ELP4: variants seen among roughly 807,000 people sequenced by gnomAD.
The protein encoded by ELP4 is elongator acetyltransferase complex subunit 4, also known as elongator complex protein 4.
ELP4 carries 51 observed loss-of-function variants against 48.9 expected under a neutral mutation model. The observed-to-expected ratio is 1.04, with a 90% CI of 0.83 to 1.32. ELP4 has a LOEUF of 1.32. Among genes scored for constraint, ELP4 ranks in the 40% most tolerant of loss-of-function variants. The pLI is 0.00. For missense variants in ELP4, 519 were observed against 514.6 expected (o/e 1.01, Z -0.08); for synonymous variants, 210 against 189.2 (o/e 1.11, Z -0.90).
At chr11:31,632,194 G>C in intron 6 of ELP4, 23 bp from the exon 7 acceptor site, 1 of 1,580,998 alleles carries the variant, frequency 6.3e-7, no homozygotes, top group South Asian at 1.2e-5. Flanking sequence ...TTATATGTTT[G>C]CTTTTTTCCC....
chr11:31,665,655 C>CTTTT (rs71060496), intron 9 of ELP4, among the ~76,000 whole-genome samples: 43 of 79,666 alleles, frequency 5.4e-4, no homozygotes, highest in East Asian at 1.1e-3. Flanking sequence ...GTCTCTCTTC[C>CTTTT]TTTTTTTTTT....
intron 3 of ELP4, among the ~76,000 whole-genome samples, chr11:31,577,079 A>T (rs1957296886): frequency 6.6e-6 from 1 of 152,180 alleles, no homozygotes; most frequent in African/African-American, 2.4e-5. Context: ...AATCAAATAG[A>T]CACAATAAAA....
intron 9 of ELP4, among the ~76,000 whole-genome samples, chr11:31,782,794 T>TA (rs1300542905): frequency 1.3e-5 from 2 of 152,176 alleles, no homozygotes; most frequent in African/African-American, 4.8e-5. Context: ...GTGGCTGACT[T>TA]ACCTGAACAT....
intron 3 of ELP4, among the ~76,000 whole-genome samples, chr11:31,577,259 C>T (rs184436898): frequency 2.0e-5 from 3 of 152,266 alleles, no homozygotes; most frequent in East Asian, 3.9e-4. Flanking sequence ...CCTGTATAGA[C>T]CAATAACAGA....
At chr11:31,595,983 G>A (rs1232221164) in intron 4 of ELP4, among the ~76,000 whole-genome samples, 1 of 152,084 alleles carries the variant, frequency 6.6e-6, no homozygotes, top group African/African-American at 2.4e-5. Context: ...TTTTAGTAAT[G>A]CTTTTTTCAC....
intron 3 of ELP4, among the ~76,000 whole-genome samples, chr11:31,578,121 A>G (rs983281571): frequency 6.6e-6 from 1 of 152,202 alleles, no homozygotes; most frequent in Non-Finnish European, 1.5e-5. Flanking sequence ...ATCAATGTGC[A>G]AAAATCACAA....
intron 2 of ELP4, 73 bp from the exon 3 acceptor site, chr11:31,539,589 G>C (rs1014032790): frequency 6.9e-7 from 1 of 1,449,712 alleles, no homozygotes; most frequent in Admixed American, 2.1e-5. Flanking sequence ...ACATATGAGT[G>C]TGCTTGCTGT....
intron 9 of ELP4, among the ~76,000 whole-genome samples, chr11:31,740,754 G>C (rs1280528494): frequency 6.6e-6 from 1 of 152,148 alleles, no homozygotes; most frequent in Non-Finnish European, 1.5e-5. Flanking sequence ...AAACAAATTT[G>C]GGGGAGGAGC....
chr11:31,516,402 G>C (rs1232632064), intron 1 of ELP4, among the ~76,000 whole-genome samples: 2 of 152,232 alleles, frequency 1.3e-5, no homozygotes, highest in African/African-American at 4.8e-5. Flanking sequence ...GTAAGGAAGT[G>C]TGATATAAGA....
rs367795416 is a variant in ELP4, at chr11:31,668,675, CGTGTGT to C, written c.1143+18495_1143+18500del. On this transcript the variant is annotated intron_variant, in intron 9 of 9. Coordinates refer to ENST00000640961, the MANE Select transcript of ELP4 (RefSeq NM_019040.5). ...ATCGGAATGAAATTTCCTTTGGTACCGTGTGTGTGTGTGTGTGTGTGTGTGTGTGTG... is the reference window on the plus strand; with the variant it reads ...ATCGGAATGAAATTTCCTTTGGTACCGTGTGTGTGTGTGTGTGTGTGTGTG... Among the ~76,000 whole-genome samples, 357 of 121,104 alleles carry C rather than the reference CGTGTGT, an allele frequency of 2.9e-3. 4 individuals are homozygous for C. Among genetic ancestry groups the C allele is most frequent in the Middle Eastern group, 0.013 (3 of 236 alleles). 79.4% of individuals were successfully genotyped at this position (121,104 alleles called of 152,430 possible). A position where few individuals can be genotyped will look rare whatever the true frequency, so the allele number is the denominator to read the frequency against.
intron 9 of ELP4, among the ~76,000 whole-genome samples, chr11:31,775,946 C>A (rs963344042): frequency 3.3e-5 from 5 of 151,872 alleles, no homozygotes; most frequent in African/African-American, 9.7e-5. Context: ...GCCTGGATGA[C>A]AGAGTGAGAC....
At chr11:31,757,302 G>T (rs1453225689) in intron 9 of ELP4, among the ~76,000 whole-genome samples, 1 of 152,072 alleles carries the variant, frequency 6.6e-6, no homozygotes, top group African/African-American at 2.4e-5. Flanking sequence ...AGCAGGGGAA[G>T]TATAAAGTTA....
At chr11:31,597,525 C>A (rs1957691209) in intron 4 of ELP4, among the ~76,000 whole-genome samples, 1 of 152,154 alleles carries the variant, frequency 6.6e-6, no homozygotes, top group Non-Finnish European at 1.5e-5. Flanking sequence ...CAGATTCATT[C>A]AAGTGACTGG....
Position 31,684,977 on chromosome 11 carries a change from C to T in ELP4, c.1143+34756C>T, listed in dbSNP as rs138490378. On this transcript the variant is annotated intron_variant, in intron 9 of 9. Transcript: ENST00000640961. ...AAAATGATTTCAATATATGTACCCA[C>T]GTAAGCATAAATTGGTACTTTAAGA... Among the ~76,000 whole-genome samples the T allele has an allele frequency of 3.9e-5, 6 of 152,284 alleles. No individual in the cohort carries two copies. In the East Asian group the frequency reaches 5.8e-4, roughly 15 times the overall value.
chr11:31,563,798 T>A (rs1030694030), intron 3 of ELP4, among the ~76,000 whole-genome samples: 1 of 152,060 alleles, frequency 6.6e-6, no homozygotes, highest in African/African-American at 2.4e-5. Context: ...AGCACCAAAT[T>A]GCAGAAAGAA....
intron 9 of ELP4, among the ~76,000 whole-genome samples, chr11:31,749,855 CA>C (rs1947680326): frequency 6.7e-6 from 1 of 149,554 alleles, no homozygotes; most frequent in South Asian, 2.1e-4. Context: ...ACCTTTATGA[CA>C]TTTTTTTTTT....
intron 9 of ELP4, among the ~76,000 whole-genome samples, chr11:31,713,344 A>T (rs553696780): frequency 1.3e-5 from 2 of 152,276 alleles, no homozygotes; most frequent in Admixed American, 6.5e-5. Context: ...CTTTTCCTTT[A>T]TCAAATGTTG....
At chr11:31,674,212 T>G (rs1332624576) in intron 9 of ELP4, among the ~76,000 whole-genome samples, 1 of 152,250 alleles carries the variant, frequency 6.6e-6, no homozygotes, top group Non-Finnish European at 1.5e-5. Context: ...CTTGAAATTT[T>G]TATTTAATAG....
At chr11:31,755,544 A>G (rs531124456) in intron 9 of ELP4, among the ~76,000 whole-genome samples, 2 of 152,338 alleles carry the variant, frequency 1.3e-5, no homozygotes, top group African/African-American at 4.8e-5. Context: ...CCAAAAATGC[A>G]TAATTTCTAT....
Sources: allele counts gnomAD v4.1 joint callset (sites outside exome capture counted in the v4.1 genomes callset), GRCh38; gene constraint gnomAD v4.1.1; transcripts MANE v1.5; gene names NCBI Gene and HGNC (gene_info 2026-07-23, HGNC 2026-07-21).